DTNB: variants seen among roughly 807,000 people sequenced by gnomAD.
DTNB encodes the protein dystrobrevin beta, also known as DTN-B.
In DTNB, 63 loss-of-function variants were observed where a neutral mutation model predicts 90.7. The ratio of observed to expected loss-of-function variants is 0.69; its 90% CI spans 0.57 to 0.86. The LOEUF (loss-of-function observed/expected upper bound fraction) is 0.86. DTNB is among the 40% of genes least tolerant of loss of function. The probability of loss-of-function intolerance (pLI) is 0.00; values close to 1 mark genes in which losing one functional copy is unlikely to be tolerated. For synonymous variants in DTNB, 277 were observed against 286.7 expected (o/e 0.97, Z 0.34); for missense variants, 744 against 807.1 (o/e 0.92, Z 0.95).
At chr2:25,666,165 A>G (rs959143541) in intron 1 of DTNB, among the ~76,000 whole-genome samples, 1 of 152,246 alleles carries the variant, frequency 6.6e-6, no homozygotes, top group African/African-American at 2.4e-5. Context: ...TTTTCTTTAA[A>G]GGTTGTGAGG....
At chr2:25,391,143 G>T (rs1358414386) in intron 16 of DTNB, among the ~76,000 whole-genome samples, 1 of 151,932 alleles carries the variant, frequency 6.6e-6, no homozygotes, top group African/African-American at 2.4e-5. Flanking sequence ...TGATCCACCT[G>T]CCTCGGCCTC....
chr2:25,402,515 T>C (rs1440849088), intron 16 of DTNB, among the ~76,000 whole-genome samples: 1 of 151,736 alleles, frequency 6.6e-6, no homozygotes, highest in Non-Finnish European at 1.5e-5. Flanking sequence ...GAACTTGGCT[T>C]CTAGACACTG....
intron 18 of DTNB, among the ~76,000 whole-genome samples, chr2:25,384,460 C>G (rs1307367680): frequency 6.6e-6 from 1 of 152,152 alleles, no homozygotes; most frequent in Non-Finnish European, 1.5e-5. Flanking sequence ...ACAAGATCCC[C>G]TGTGATGGAG....
chr2:25,481,923 T>C (rs1166597653), intron 10 of DTNB: 1 of 152,232 alleles, frequency 6.6e-6, no homozygotes, highest in African/African-American at 2.4e-5. Flanking sequence ...ACAAACATCA[T>C]TGTCTTAAGC....
At chr2:25,437,381 C>T (rs895823351) in intron 12 of DTNB, among the ~76,000 whole-genome samples, 2 of 151,950 alleles carry the variant, frequency 1.3e-5, no homozygotes, top group Admixed American at 1.3e-4. Flanking sequence ...CCTGCCTCAG[C>T]CTCCTGAGTA....
At chr2:25,589,331 C>A (rs2063055839) in intron 6 of DTNB, among the ~76,000 whole-genome samples, 1 of 147,090 alleles carries the variant, frequency 6.8e-6, no homozygotes, top group Non-Finnish European at 1.5e-5. Flanking sequence ...CTCCCTTTCT[C>A]TCCATTCTTT....
At chr2:25,577,953 T>A (rs2060960393) in intron 7 of DTNB, among the ~76,000 whole-genome samples, 1 of 152,040 alleles carries the variant, frequency 6.6e-6, no homozygotes, top group African/African-American at 2.4e-5. Context: ...TGAGCCAAGA[T>A]CGCACCATTG....
At chr2:25,634,235 T>TG (rs1203235630) in intron 3 of DTNB, among the ~76,000 whole-genome samples, 3 of 88,594 alleles carry the variant, frequency 3.4e-5, no homozygotes, top group South Asian at 8.2e-4. Context: ...GGGAGGGAGG[T>TG]GGGGGGGTCA....
chr2:25,555,543 ACTATT>A (rs2057185197), intron 8 of DTNB, among the ~76,000 whole-genome samples: 1 of 152,158 alleles, frequency 6.6e-6, no homozygotes, highest in Non-Finnish European at 1.5e-5. Flanking sequence ...TCCTTTGCAT[ACTATT>A]CTAGACAATT....
chr2:25,592,675 G>A (rs989969999), intron 6 of DTNB, among the ~76,000 whole-genome samples: 3 of 151,970 alleles, frequency 2.0e-5, no homozygotes, highest in Admixed American at 6.6e-5. Flanking sequence ...CTGCTGTAAT[G>A]TGTTACATTA....
chr2:25,523,875 G>A (rs1393523890), intron 9 of DTNB, among the ~76,000 whole-genome samples: 1 of 151,292 alleles, frequency 6.6e-6, no homozygotes, highest in African/African-American at 2.4e-5. Context: ...GACCTAGAAT[G>A]GAAGTAACTT....
chr2:25,388,376 A>T lies in DTNB; in HGVS notation c.1576-15T>A. 1 of 1,589,202 alleles carries T rather than the reference A, an allele frequency of 6.3e-7. No individual in the cohort carries two copies. Among genetic ancestry groups the T allele is most frequent in the East Asian group, 2.3e-5 (1 of 44,398 alleles). On this transcript the variant is annotated splice_polypyrimidine_tract_variant and intron_variant, in intron 16 of 20. Transcript: ENST00000406818. Reference sequence around the variant, plus strand: ...GTGGCCTGAGCCTGGAGATTCAAAGACAGAAAATACGTTATCTCAAGTACC... The same window carrying T: ...GTGGCCTGAGCCTGGAGATTCAAAGTCAGAAAATACGTTATCTCAAGTACC...
chr2:25,543,791 T>C (rs1159171283), intron 8 of DTNB, among the ~76,000 whole-genome samples: 3 of 152,252 alleles, frequency 2.0e-5, no homozygotes, highest in Non-Finnish European at 4.4e-5. Context: ...GGAAATTTGC[T>C]CTTTGAGTTT....
chr2:25,666,195 TAAC>T (rs2084397359), intron 1 of DTNB, among the ~76,000 whole-genome samples: 1 of 152,202 alleles, frequency 6.6e-6, no homozygotes, highest in Non-Finnish European at 1.5e-5. Context: ...AAAAGTGAAT[TAAC>T]AAGTAAATCA....
chr2:25,656,597 C>T (rs1049076478), intron 1 of DTNB, among the ~76,000 whole-genome samples: 1 of 152,168 alleles, frequency 6.6e-6, no homozygotes, highest in African/African-American at 2.4e-5. Flanking sequence ...TCATATCCAC[C>T]CTCTTTTCCC....
intron 9 of DTNB, among the ~76,000 whole-genome samples, chr2:25,494,823 C>A (rs1558758050): frequency 6.6e-6 from 1 of 152,028 alleles, no homozygotes; most frequent in African/African-American, 2.4e-5. Flanking sequence ...TCAGCAGGCC[C>A]CATGCTATGA....
At chr2:25,379,397 G>A in intron 19 of DTNB, 74 bp from the exon 20 acceptor site, 1 of 1,285,308 alleles carries the variant, frequency 7.8e-7, no homozygotes, top group Non-Finnish European at 9.9e-7. Context: ...TATCTCAAAG[G>A]GGCTTCCCTG....
chr2:25,461,742 A>T (rs547700600), intron 10 of DTNB, among the ~76,000 whole-genome samples: 1 of 152,154 alleles, frequency 6.6e-6, no homozygotes, highest in South Asian at 2.1e-4. Flanking sequence ...TGCTAACAAC[A>T]CTCCAGTAGG....
chr2:25,471,120 A>G (rs969179724), intron 10 of DTNB, among the ~76,000 whole-genome samples: 1 of 152,214 alleles, frequency 6.6e-6, no homozygotes, highest in South Asian at 2.1e-4. Flanking sequence ...CAAGCTAATG[A>G]GAAAAAATAG....
Sources: gnomAD v4.1 joint callset for allele counts (sites outside exome capture counted in the v4.1 genomes callset) on GRCh38, gnomAD v4.1.1 for gene constraint, MANE v1.5 for transcripts, NCBI Gene and HGNC (gene_info 2026-07-23, HGNC 2026-07-21) for gene names.